ADGB: variants seen among roughly 807,000 people sequenced by gnomAD.
ADGB encodes androglobin.
In ADGB, 172 loss-of-function variants were observed where a neutral mutation model predicts 210.5. The ratio of observed to expected loss-of-function variants is 0.82; its 90% CI spans 0.72 to 0.93. The LOEUF is 0.93. Among genes scored for constraint, ADGB ranks in the 40% least tolerant of loss-of-function variants. The probability of loss-of-function intolerance (pLI) is 0.00; values close to 1 mark genes in which losing one functional copy is unlikely to be tolerated. For synonymous variants in ADGB, 658 were observed against 662.7 expected (o/e 0.99, Z 0.11); for missense variants, 2,025 against 1,964.8 (o/e 1.03, Z -0.58).
At chr6:146,803,725 G>C (rs991844764) in intron 35 of ADGB, 11 of 939,496 alleles carry the variant, frequency 1.2e-5, no homozygotes, top group Non-Finnish European at 1.8e-5. Flanking sequence ...CTTAAGTACC[G>C]GCGCCTCATG....
In ADGB at chr6:146,764,531, C is replaced by T. The variant is rs139528314; in HGVS notation, c.3750+431C>T. 2.9e-3 allele frequency among the ~76,000 whole-genome samples: 442 copies of T among 151,902 alleles called. 5 individuals carry two copies. The highest frequency in any genetic ancestry group is 0.01 in the African/African-American group (424 of 41,460). ...ATAAAACAGCAGACAAAGGTATGAC[C>T]TAGCCATTGGAAACCAAAAAGTAAA... On this transcript the variant is annotated intron_variant, in intron 28 of 35. Coordinates refer to ENST00000397944, the MANE Select transcript of ADGB (RefSeq NM_024694.4).
intron 20 of ADGB, among the ~76,000 whole-genome samples, chr6:146,732,622 T>G (rs1248414998): frequency 6.6e-6 from 1 of 151,918 alleles, no homozygotes; most frequent in African/African-American, 2.4e-5. Flanking sequence ...ATTACACAAC[T>G]ATGTGACATA....
chr6:146,805,077 CG>C (rs1317161158), intron 35 of ADGB, among the ~76,000 whole-genome samples: 2 of 152,150 alleles, frequency 1.3e-5, no homozygotes, highest in East Asian at 3.9e-4. Context: ...GTGTCCAGTG[CG>C]GTTCAATAGA....
chr6:146,736,322 A>AC (rs1458154645), intron 22 of ADGB, among the ~76,000 whole-genome samples, 176 bp from the exon 23 acceptor site: 1 of 152,162 alleles, frequency 6.6e-6, no homozygotes, highest in Non-Finnish European at 1.5e-5. Context: ...AGAGCTCTTG[A>AC]CTAGAAGTTT....
chr6:146,805,011 C>T (rs1402268169), intron 35 of ADGB, among the ~76,000 whole-genome samples: 1 of 152,100 alleles, frequency 6.6e-6, no homozygotes, highest in African/African-American at 2.4e-5. Flanking sequence ...CTTTACAGGC[C>T]TTAGTTCACC....
chr6:146,789,876 C>G (rs973089892), intron 33 of ADGB, among the ~76,000 whole-genome samples: 35 of 152,286 alleles, frequency 2.3e-4, no homozygotes, highest in African/African-American at 7.7e-4. Flanking sequence ...CCTGGACTTA[C>G]ACCCAGCTCT....
rs1257507487 is a variant in ADGB at position 146,631,191 on chromosome 6, T to C, written c.75-4184T>C. 4.6e-5 allele frequency among the ~76,000 whole-genome samples: 7 copies of C among 152,196 alleles called. No individual in the cohort carries two copies. The East Asian group carries it at 1.2e-3, about 25-fold the overall frequency. ...TAACAGTATAATTGCACTCTTTATT[T>C]GAGACAATGCTACAGTATCGAAAAA... is the stretch of plus-strand genomic sequence containing the variant. On this transcript the variant is annotated intron_variant, in intron 1 of 35. Coordinates refer to ENST00000397944, the MANE Select transcript of ADGB (RefSeq NM_024694.4).
chr6:146,634,167 A>G (rs1169487205), intron 1 of ADGB, among the ~76,000 whole-genome samples: 1 of 152,134 alleles, frequency 6.6e-6, no homozygotes, highest in Non-Finnish European at 1.5e-5. Flanking sequence ...TAACAGCTGT[A>G]CAGGTTTATA....
chr6:146,635,771 A>G (rs1462861207), intron 2 of ADGB, among the ~76,000 whole-genome samples: 3 of 152,074 alleles, frequency 2.0e-5, no homozygotes, highest in Non-Finnish European at 4.4e-5. Context: ...ATATGACCAA[A>G]GAATCATAAT....
At chr6:146,692,465 G>A (rs1776343317) in intron 11 of ADGB, among the ~76,000 whole-genome samples, 1 of 152,034 alleles carries the variant, frequency 6.6e-6, no homozygotes, top group African/African-American at 2.4e-5. Context: ...TTGTGTTACA[G>A]AGGTTAACTA....
At chr6:146,694,886 G>T (rs1472682678) in intron 12 of ADGB, among the ~76,000 whole-genome samples, 1 of 152,148 alleles carries the variant, frequency 6.6e-6, no homozygotes, top group African/African-American at 2.4e-5. Context: ...GACACAAGCA[G>T]TCCTAACTGA....
At chr6:146,732,723 A>G (rs936437079) in intron 20 of ADGB, among the ~76,000 whole-genome samples, 1 of 152,176 alleles carries the variant, frequency 6.6e-6, no homozygotes, top group Non-Finnish European at 1.5e-5. Flanking sequence ...TCTAAGAAAC[A>G]TATTTTCATT....
At chr6:146,701,861 A>G (rs1362512747) in intron 13 of ADGB, among the ~76,000 whole-genome samples, 3 of 152,028 alleles carry the variant, frequency 2.0e-5, no homozygotes, top group African/African-American at 7.2e-5. Flanking sequence ...AGATACGACC[A>G]CATGAAATAC....
At chr6:146,604,467 G>A (rs1039138544) in intron 1 of ADGB, among the ~76,000 whole-genome samples, 2 of 151,942 alleles carry the variant, frequency 1.3e-5, no homozygotes, top group East Asian at 1.9e-4. Context: ...AACTTGAGAT[G>A]TATGAAGGCT....
At chr6:146,672,932 T>C (rs182979058) in intron 8 of ADGB, among the ~76,000 whole-genome samples, 12 of 152,044 alleles carry the variant, frequency 7.9e-5, no homozygotes, top group African/African-American at 2.9e-4. Flanking sequence ...GGTTTCACCA[T>C]GTTGGCCAGG....
intron 30 of ADGB, among the ~76,000 whole-genome samples, chr6:146,783,012 G>T (rs1051528437): frequency 4.6e-5 from 7 of 152,170 alleles, no homozygotes; most frequent in African/African-American, 1.7e-4. Flanking sequence ...TACCCTAGTG[G>T]CTTTTAAGGG....
intron 5 of ADGB, among the ~76,000 whole-genome samples, chr6:146,660,046 CAG>C (rs1303278798): frequency 6.6e-6 from 1 of 152,072 alleles, no homozygotes; most frequent in Non-Finnish European, 1.5e-5. Flanking sequence ...TTCTAGAATT[CAG>C]AGTTTCCTAA....
At chr6:146,745,738 C>T (rs1211749164) in intron 25 of ADGB, among the ~76,000 whole-genome samples, 184 bp from the exon 26 acceptor site, 3 of 152,068 alleles carry the variant, frequency 2.0e-5, no homozygotes, top group African/African-American at 4.8e-5. Context: ...TTCCTGAAAA[C>T]TTTGTAGGAT....
chr6:146,701,641 A>C (rs1241184560), intron 13 of ADGB, among the ~76,000 whole-genome samples: 2 of 151,954 alleles, frequency 1.3e-5, no homozygotes, highest in Non-Finnish European at 2.9e-5. Flanking sequence ...TTTACGTGCT[A>C]TGGCTCCCCT....
Sources: gnomAD v4.1 joint callset for allele counts (sites outside exome capture counted in the v4.1 genomes callset) on GRCh38, gnomAD v4.1.1 for gene constraint, MANE v1.5 for transcripts, NCBI Gene and HGNC (gene_info 2026-07-23, HGNC 2026-07-21) for gene names.